The following FHIT variants were observed in gnomAD, a reference collection of about 807,000 sequenced individuals.
FHIT encodes the protein bis(5'-adenosyl)-triphosphatase.
FHIT carries 19 observed loss-of-function variants against 17.9 expected under a neutral mutation model. The ratio of observed to expected loss-of-function variants is 1.06; its 90% CI spans 0.74 to 1.56. The LOEUF (loss-of-function observed/expected upper bound fraction) is 1.56, where lower values mean the gene tolerates loss of function less well. Ranked by LOEUF, FHIT falls within the 40% of genes most tolerant of loss-of-function variation. FHIT has a pLI of 0.00. For synonymous variants in FHIT, 81 were observed against 69.7 expected, an observed-to-expected ratio of 1.16 and a Z score of -0.81; for missense variants, 248 against 189.2, an observed-to-expected ratio of 1.31 and a Z score of -1.82.
chr3:60,587,206 G>T (rs548607559), intron 4 of FHIT, among the ~76,000 whole-genome samples: 1 of 152,018 alleles, frequency 6.6e-6, no homozygotes, highest in African/African-American at 2.4e-5. Flanking sequence ...TTGCAGGGAC[G>T]TGGATGAAGC....
chr3:59,757,240 C>T (rs1441025781), intron 8 of FHIT, among the ~76,000 whole-genome samples: 2 of 152,214 alleles, frequency 1.3e-5, no homozygotes, highest in East Asian at 3.8e-4. Context: ...GAACCAAAGT[C>T]TTTATTCACA....
intron 3 of FHIT, among the ~76,000 whole-genome samples, chr3:60,967,830 T>A (rs1332779490): frequency 1.3e-5 from 2 of 152,202 alleles, no homozygotes; most frequent in Non-Finnish European, 2.9e-5. Flanking sequence ...GCCCACGGTA[T>A]ATAATCTACA....
chr3:60,342,930 C>G (rs151093340), intron 5 of FHIT, among the ~76,000 whole-genome samples: 2,488 of 152,188 alleles, frequency 0.016, 42 homozygotes, highest in African/African-American at 0.048. Flanking sequence ...CTAATTTTGG[C>G]ACAGAAATTA....
intron 5 of FHIT, among the ~76,000 whole-genome samples, chr3:60,531,390 T>C (rs936009362): frequency 6.6e-6 from 1 of 150,454 alleles, no homozygotes; most frequent in African/African-American, 2.4e-5. Flanking sequence ...GCCATTCTCC[T>C]GCCTCAGCCT....
chr3:61,027,167 A>G (rs913702065), intron 3 of FHIT, among the ~76,000 whole-genome samples: 6 of 152,090 alleles, frequency 3.9e-5, no homozygotes, highest in Non-Finnish European at 7.4e-5. Context: ...GCTCACGGCA[A>G]CCTCTGCCTC....
At chr3:60,470,908 T>G (rs1358367707) in intron 5 of FHIT, among the ~76,000 whole-genome samples, 1 of 152,140 alleles carries the variant, frequency 6.6e-6, no homozygotes, top group Admixed American at 6.5e-5. Flanking sequence ...CAGGGCCCAG[T>G]GCTCTTCGGT....
chr3:59,801,848 C>G (rs670592), intron 8 of FHIT, among the ~76,000 whole-genome samples: 2 of 151,976 alleles, frequency 1.3e-5, no homozygotes, highest in African/African-American at 4.8e-5. Flanking sequence ...GCCCTCTGAC[C>G]TTTGCTCATA....
chr3:60,933,445 G>A (rs1292560853), intron 3 of FHIT, among the ~76,000 whole-genome samples: 1 of 152,154 alleles, frequency 6.6e-6, no homozygotes, highest in Non-Finnish European at 1.5e-5. Flanking sequence ...TGAAGTCTTA[G>A]AACTCCGGTG....
At chr3:60,224,095 G>C (rs893182528) in intron 5 of FHIT, among the ~76,000 whole-genome samples, 8 of 151,978 alleles carry the variant, frequency 5.3e-5, no homozygotes, top group African/African-American at 1.7e-4. Flanking sequence ...GTTCCTATCA[G>C]TCTCCACACC....
chr3:60,443,562 T>A (rs2031085201), intron 5 of FHIT, among the ~76,000 whole-genome samples: 4 of 152,214 alleles, frequency 2.6e-5, no homozygotes, highest in Admixed American at 2.0e-4. Flanking sequence ...TCTCTTCATA[T>A]GATGGATTAC....
intron 5 of FHIT, among the ~76,000 whole-genome samples, chr3:60,051,764 T>C (rs1701890167): frequency 6.6e-6 from 1 of 152,166 alleles, no homozygotes; most frequent in African/African-American, 2.4e-5. Flanking sequence ...TGTAACAGTG[T>C]ATACAGGATT....
At chr3:60,955,633 TACACACACACAC>T (rs1553778443) in intron 3 of FHIT, among the ~76,000 whole-genome samples, 64 of 38,644 alleles carry the variant, frequency 1.7e-3, no homozygotes, top group South Asian at 4.4e-3. Flanking sequence ...TATATATATA[TACACACACACAC>T]ATATATACAT....
At chr3:60,019,919 A>C (rs531349032) in intron 5 of FHIT, among the ~76,000 whole-genome samples, 4 of 152,202 alleles carry the variant, frequency 2.6e-5, no homozygotes, top group African/African-American at 9.7e-5. Context: ...ACTATTTTCC[A>C]ATGGTAAACT....
chr3:60,964,984 C>T (rs1277171426), intron 3 of FHIT, among the ~76,000 whole-genome samples: 1 of 152,090 alleles, frequency 6.6e-6, no homozygotes, highest in Non-Finnish European at 1.5e-5. Context: ...GCCTGCCTTG[C>T]TAGGTTTGGG....
chr3:60,707,591 A>G (rs1282892604), intron 4 of FHIT, among the ~76,000 whole-genome samples: 1 of 152,214 alleles, frequency 6.6e-6, no homozygotes, highest in Non-Finnish European at 1.5e-5. Context: ...CAGTCAATGC[A>G]GCCAAAAGTT....
At chr3:60,916,901 C>A (rs1193043148) in intron 3 of FHIT, among the ~76,000 whole-genome samples, 1 of 151,976 alleles carries the variant, frequency 6.6e-6, no homozygotes, top group Non-Finnish European at 1.5e-5. Context: ...GAATTAGAAT[C>A]GCATAAAAAA....
chr3:60,095,326 TCC>T (rs1229690484), intron 5 of FHIT, among the ~76,000 whole-genome samples: 14 of 152,314 alleles, frequency 9.2e-5, no homozygotes, highest in Middle Eastern at 6.8e-3. Flanking sequence ...TTGAAATCGT[TCC>T]CACACATTGG....
chr3:59,855,317 C>T (rs932633623), intron 8 of FHIT, among the ~76,000 whole-genome samples: 1 of 152,162 alleles, frequency 6.6e-6, no homozygotes, highest in African/African-American at 2.4e-5. Flanking sequence ...TTGTCCTCCC[C>T]CATTTATCTT....
At chr3:60,679,450 ATT>A (rs1373142568) in intron 4 of FHIT, among the ~76,000 whole-genome samples, 1 of 152,132 alleles carries the variant, frequency 6.6e-6, no homozygotes, top group African/African-American at 2.4e-5. Flanking sequence ...TCCCAGTCTT[ATT>A]TATATATTTG....
Sources: gnomAD v4.1 joint callset for allele counts (sites outside exome capture counted in the v4.1 genomes callset) on GRCh38, gnomAD v4.1.1 for gene constraint, MANE v1.5 for transcripts, NCBI Gene and HGNC (gene_info 2026-07-23, HGNC 2026-07-21) for gene names.